DCC: variants seen among roughly 807,000 people sequenced by gnomAD.
DCC encodes DCC netrin 1 receptor, also known as netrin receptor DCC.
Under a neutral mutation model 172.5 loss-of-function variants are expected in DCC, and 58 were observed. The ratio of observed to expected loss-of-function variants is 0.34; its 90% CI spans 0.27 to 0.42. The LOEUF (loss-of-function observed/expected upper bound fraction) is 0.42, where lower values mean the gene tolerates loss of function less well. DCC is among the 10% of genes least tolerant of loss of function. The probability of loss-of-function intolerance (pLI) is 1.00; values close to 1 mark genes in which losing one functional copy is unlikely to be tolerated. For missense variants in DCC, 1,740 were observed against 1,791.0 expected (o/e 0.97, Z 0.51); for synonymous variants, 709 against 644.5 (o/e 1.10, Z -1.52).
chr18:52,655,980 G>GTATATATATATA (rs1156985675), intron 1 of DCC, among the ~76,000 whole-genome samples: 18 of 120,742 alleles, frequency 1.5e-4, no homozygotes, highest in Admixed American at 4.2e-4. Flanking sequence ...GTGTGTGTGT[G>GTATATATATATA]TGTGTGTATA....
intron 11 of DCC, among the ~76,000 whole-genome samples, chr18:53,211,172 T>C (rs1444457649): frequency 2.0e-5 from 3 of 152,194 alleles, no homozygotes; most frequent in Admixed American, 2.0e-4. Context: ...TTTTTATGAA[T>C]GTTATTAATA....
chr18:52,873,088 T>A (rs1234690391), intron 2 of DCC, among the ~76,000 whole-genome samples: 1 of 152,192 alleles, frequency 6.6e-6, no homozygotes, highest in African/African-American at 2.4e-5. Context: ...ACAGGCTGAT[T>A]TTTTAAAAAT....
intron 1 of DCC, among the ~76,000 whole-genome samples, chr18:52,588,498 G>T (rs2033726569): frequency 6.6e-6 from 1 of 152,284 alleles, no homozygotes; most frequent in Non-Finnish European, 1.5e-5. Flanking sequence ...AAATCAAAAT[G>T]CTGCCTACTC....
At chr18:53,311,801 C>A (rs1188350849) in intron 13 of DCC, among the ~76,000 whole-genome samples, 1 of 152,074 alleles carries the variant, frequency 6.6e-6, no homozygotes, top group Non-Finnish European at 1.5e-5. Flanking sequence ...AACAAAGAGG[C>A]CTGGTTTTTC....
At chr18:53,305,960 C>T (rs1049525757) in intron 13 of DCC, among the ~76,000 whole-genome samples, 2 of 152,162 alleles carry the variant, frequency 1.3e-5, no homozygotes, top group Non-Finnish European at 2.9e-5. Context: ...TTTATTCATA[C>T]TAGTTTCTCA....
chr18:53,045,209 T>C (rs945844078), intron 5 of DCC, among the ~76,000 whole-genome samples: 13 of 152,016 alleles, frequency 8.6e-5, no homozygotes, highest in African/African-American at 3.1e-4. Flanking sequence ...GAAAGGATTC[T>C]GTAAAACTGG....
intron 2 of DCC, among the ~76,000 whole-genome samples, chr18:52,845,812 C>T (rs771763627): frequency 1.2e-4 from 19 of 152,234 alleles, no homozygotes; most frequent in Non-Finnish European, 2.4e-4. Context: ...TCTGCTTCAG[C>T]AGCCTGAGAA....
At chr18:52,657,158 A>C (rs2035271332) in intron 1 of DCC, among the ~76,000 whole-genome samples, 1 of 152,194 alleles carries the variant, frequency 6.6e-6, no homozygotes, top group South Asian at 2.1e-4. Flanking sequence ...GCTGTTCTCT[A>C]AGCTCCGCAC....
At chr18:52,753,413 A>C (rs2037030499) in intron 2 of DCC, among the ~76,000 whole-genome samples, 1 of 152,188 alleles carries the variant, frequency 6.6e-6, no homozygotes, top group African/African-American at 2.4e-5. Context: ...AAGTTGACTT[A>C]CTACTTATAT....
intron 7 of DCC, among the ~76,000 whole-genome samples, 187 bp downstream of exon 7, chr18:53,066,353 G>GTATATATATATATA (rs10526030): frequency 9.5e-5 from 9 of 94,614 alleles, no homozygotes; most frequent in East Asian, 2.8e-4. Flanking sequence ...GTACATGTGT[G>GTATATATATATATA]TATATATATA....
intron 27 of DCC, among the ~76,000 whole-genome samples, chr18:53,520,369 C>T (rs761851250): frequency 6.6e-6 from 1 of 152,036 alleles, no homozygotes; most frequent in East Asian, 1.9e-4. Flanking sequence ...ATAGTCCATA[C>T]CAGCAGACTG....
intron 12 of DCC, among the ~76,000 whole-genome samples, chr18:53,241,883 C>T (rs1042980694): frequency 3.9e-5 from 6 of 152,078 alleles, no homozygotes; most frequent in Admixed American, 3.3e-4. Context: ...AAGCCAGACT[C>T]CTCAATAGAA....
At chr18:53,160,406 A>T (rs1341896549) in intron 8 of DCC, among the ~76,000 whole-genome samples, 1 of 152,130 alleles carries the variant, frequency 6.6e-6, no homozygotes, top group Non-Finnish European at 1.5e-5. Flanking sequence ...GTTTTCCTTC[A>T]CTTATTCCAT....
At chr18:52,956,015 AC>A (rs1371605902) in intron 5 of DCC, among the ~76,000 whole-genome samples, 1 of 151,326 alleles carries the variant, frequency 6.6e-6, no homozygotes, top group African/African-American at 2.4e-5. Flanking sequence ...CCAGTCAGTG[AC>A]TTGTCTTATT....
At chr18:52,591,790 T>TA (rs1366461015) in intron 1 of DCC, among the ~76,000 whole-genome samples, 66 of 146,254 alleles carry the variant, frequency 4.5e-4, no homozygotes, top group African/African-American at 1.7e-3. Context: ...TTTATTTCTT[T>TA]TTTTTTTTTT....
intron 1 of DCC, among the ~76,000 whole-genome samples, chr18:52,610,164 AAAAAAAAAAAAAAAATATATATATAT>A (rs1398382728): frequency 0.037 from 826 of 22,360 alleles, 48 homozygotes; most frequent in Non-Finnish European, 0.05. Context: ...AAAAAAAAAA[AAAAAAAAAAAAAAAATATATATATAT>A]ATATATATAT....
chr18:52,527,590 A>T (rs761829669), intron 1 of DCC, among the ~76,000 whole-genome samples: 1 of 152,204 alleles, frequency 6.6e-6, no homozygotes, highest in Non-Finnish European at 1.5e-5. Context: ...TAATGTTTAC[A>T]TATGTAACAA....
intron 2 of DCC, among the ~76,000 whole-genome samples, chr18:52,772,378 A>C (rs192966555): frequency 1.3e-5 from 2 of 152,210 alleles, no homozygotes; most frequent in Non-Finnish European, 2.9e-5. Flanking sequence ...GCCTTATTAA[A>C]TGCATCTCTA....
At chr18:52,505,190 G>T (rs187793963) in intron 1 of DCC, among the ~76,000 whole-genome samples, 2 of 148,498 alleles carry the variant, frequency 1.3e-5, no homozygotes, top group African/African-American at 2.5e-5. Flanking sequence ...GTTTCTGTCT[G>T]CCCCTAACTG....
Sources: gnomAD v4.1 joint callset for allele counts (sites outside exome capture counted in the v4.1 genomes callset) on GRCh38, gnomAD v4.1.1 for gene constraint, MANE v1.5 for transcripts, NCBI Gene and HGNC (gene_info 2026-07-23, HGNC 2026-07-21) for gene names.